The following AKAP13 variants were observed in gnomAD, a reference collection of about 807,000 sequenced individuals.
AKAP13 encodes the protein A-kinase anchor protein 13.
AKAP13 carries 80 observed loss-of-function variants against 264.5 expected under a neutral mutation model. That is an observed-to-expected ratio of 0.30 (90% CI 0.25 to 0.36). The LOEUF (loss-of-function observed/expected upper bound fraction) is 0.36. Among genes scored for constraint, AKAP13 ranks in the 10% least tolerant of loss-of-function variants. The pLI is 1.00. For missense variants in AKAP13, 3,712 were observed against 3,435.2 expected (o/e 1.08, Z -2.01); for synonymous variants, 1,380 against 1,250.2 (o/e 1.10, Z -2.19).
intron 8 of AKAP13, among the ~76,000 whole-genome samples, chr15:85,637,074 G>A (rs925571412): frequency 6.6e-6 from 1 of 152,132 alleles, no homozygotes; most frequent in Admixed American, 6.5e-5. Flanking sequence ...TTTTGTTAAG[G>A]TTTTTTGCAT....
intron 17 of AKAP13, among the ~76,000 whole-genome samples, chr15:85,699,805 A>T (rs1173458254): frequency 2.0e-5 from 3 of 152,236 alleles, no homozygotes; most frequent in Non-Finnish European, 4.4e-5. Flanking sequence ...ACTGTTATTG[A>T]TAGCACCAGC....
chr15:85,696,220 A>G (rs2085560049), intron 17 of AKAP13, among the ~76,000 whole-genome samples: 1 of 152,142 alleles, frequency 6.6e-6, no homozygotes, highest in African/African-American at 2.4e-5. Context: ...CATCATTTTC[A>G]TTTGATTTTA....
At chr15:85,648,600 G>A (rs2082665949) in intron 10 of AKAP13, among the ~76,000 whole-genome samples, 1 of 152,176 alleles carries the variant, frequency 6.6e-6, no homozygotes, top group East Asian at 1.9e-4. Context: ...CATTTTGGGA[G>A]GCTAAGGCAG....
At chr15:85,419,874 G>A (rs2072431993) in intron 1 of AKAP13, among the ~76,000 whole-genome samples, 1 of 151,638 alleles carries the variant, frequency 6.6e-6, no homozygotes, top group African/African-American at 2.4e-5. Flanking sequence ...AGAGAAAGAA[G>A]GCACACCTTT....
chr15:85,442,422 A>AT lies in AKAP13; in HGVS notation c.-11-43288_-11-43287insT, dbSNP rs56245001. ...AAGATTCTGTCTCAAAAAAAAAAAA[A>AT]AATATATATATATATAATATAAAAT... On this transcript the variant is annotated intron_variant, in intron 1 of 36. Coordinates refer to ENST00000394518, the MANE Select transcript of AKAP13 (RefSeq NM_007200.5). Among the ~76,000 whole-genome samples the AT allele has an allele frequency of 9.0e-4, 63 of 70,030 alleles. 1 individual carries two copies. Among genetic ancestry groups the AT allele is most frequent in the South Asian group, 2.2e-3 (7 of 3,230 alleles). The allele number at this position is 70,030 out of a possible 152,430, so 45.9% of individuals were successfully genotyped here. A position where few individuals can be genotyped will look rare whatever the true frequency, so the allele number is the denominator to read the frequency against.
chr15:85,497,619 G>A lies in AKAP13; in HGVS notation c.33+11866G>A, dbSNP rs2075908839. Among the ~76,000 whole-genome samples, 5 of 152,174 alleles carry A rather than the reference G, an allele frequency of 3.3e-5. No homozygotes were observed. In the South Asian group the frequency reaches 8.3e-4, roughly 25 times the overall value. On this transcript the variant is annotated intron_variant, in intron 2 of 36. Coordinates refer to ENST00000394518, the MANE Select transcript of AKAP13 (RefSeq NM_007200.5). ...AGATTATATATAGCTGCTCTGTTTA[G>A]TAATGTAGTCATTAGCCACATGTGA...
intron 17 of AKAP13, among the ~76,000 whole-genome samples, chr15:85,693,999 A>G (rs566154419): frequency 1.6e-4 from 24 of 152,362 alleles, no homozygotes; most frequent in African/African-American, 5.8e-4. Flanking sequence ...ATGTAGCCTC[A>G]TTGAAAGGAT....
chr15:85,570,642 G>A (rs1269712830), intron 5 of AKAP13, among the ~76,000 whole-genome samples: 1 of 152,236 alleles, frequency 6.6e-6, no homozygotes, highest in Non-Finnish European at 1.5e-5. Context: ...ATTCTTTGTT[G>A]TAGGGAGCAG....
At chr15:85,704,854 C>T (rs540074701) in intron 17 of AKAP13, among the ~76,000 whole-genome samples, 58 of 152,290 alleles carry the variant, frequency 3.8e-4, no homozygotes, top group Non-Finnish European at 7.4e-4. Context: ...AGATTTTAGT[C>T]TCATGACTTT....
chr15:85,616,996 C>G (rs1372893560), intron 8 of AKAP13, among the ~76,000 whole-genome samples: 1 of 152,158 alleles, frequency 6.6e-6, no homozygotes, highest in Non-Finnish European at 1.5e-5. Context: ...GGCACAAAGC[C>G]AGAAGTTAGA....
intron 13 of AKAP13, among the ~76,000 whole-genome samples, 155 bp from the exon 14 acceptor site, chr15:85,669,567 C>T (rs896119275): frequency 2.0e-5 from 3 of 152,222 alleles, no homozygotes; most frequent in Non-Finnish European, 4.4e-5. Flanking sequence ...CAGGAGCAGA[C>T]TTTAACCTAA....
intron 8 of AKAP13, among the ~76,000 whole-genome samples, chr15:85,623,362 G>T (rs1436671574): frequency 6.6e-6 from 1 of 152,172 alleles, no homozygotes; most frequent in East Asian, 1.9e-4. Context: ...AGTAATTACA[G>T]AGTTTAAATT....
At chr15:85,480,680 C>T (rs1295544318) in intron 1 of AKAP13, among the ~76,000 whole-genome samples, 1 of 151,716 alleles carries the variant, frequency 6.6e-6, no homozygotes, top group Non-Finnish European at 1.5e-5. Flanking sequence ...AGAGACACAC[C>T]ATTTCTTTCT....
intron 2 of AKAP13, among the ~76,000 whole-genome samples, chr15:85,491,348 T>C (rs2075716706): frequency 6.6e-6 from 1 of 151,932 alleles, no homozygotes; most frequent in Admixed American, 6.6e-5. Context: ...CCTGGGCAGA[T>C]GGGATTCTTA....
At chr15:85,546,858 C>G (rs905043962) in intron 5 of AKAP13, among the ~76,000 whole-genome samples, 3 of 152,042 alleles carry the variant, frequency 2.0e-5, no homozygotes, top group Admixed American at 6.5e-5. Flanking sequence ...ATTCTTCTGC[C>G]TCAGCCTCCT....
At chr15:85,436,209 A>G (rs1307625105) in intron 1 of AKAP13, among the ~76,000 whole-genome samples, 1 of 76,818 alleles carries the variant, frequency 1.3e-5, no homozygotes, top group African/African-American at 5.4e-5. Flanking sequence ...AAAGATCAAA[A>G]GAGACAAAGA....
At chr15:85,719,021 G>C (rs1365916875) in intron 22 of AKAP13, 55 bp from the exon 23 acceptor site, 2 of 1,595,454 alleles carry the variant, frequency 1.3e-6, no homozygotes, top group Non-Finnish European at 1.7e-6. Flanking sequence ...TGATCTTTGA[G>C]GGCGAATGCT....
intron 8 of AKAP13, among the ~76,000 whole-genome samples, chr15:85,638,350 G>T (rs535061287): frequency 6.6e-6 from 1 of 152,044 alleles, no homozygotes; most frequent in East Asian, 1.9e-4. Flanking sequence ...TTTATTTGAG[G>T]TTTGTTTTAT....
intron 1 of AKAP13, among the ~76,000 whole-genome samples, chr15:85,406,384 G>A (rs1388100935): frequency 4.3e-5 from 6 of 139,854 alleles, no homozygotes; most frequent in Non-Finnish European, 9.1e-5. Context: ...TGTGACCTTA[G>A]ACTAGAAAAT....
Sources: allele counts gnomAD v4.1 joint callset (sites outside exome capture counted in the v4.1 genomes callset), GRCh38; gene constraint gnomAD v4.1.1; transcripts MANE v1.5; gene names NCBI Gene and HGNC (gene_info 2026-07-23, HGNC 2026-07-21).